CNTNAP5: variants seen among roughly 807,000 people sequenced by gnomAD.
CNTNAP5 encodes contactin-associated protein-like 5.
In CNTNAP5, 72 loss-of-function variants were observed where a neutral mutation model predicts 150.2. That is an observed-to-expected ratio of 0.48 (90% CI 0.40 to 0.58). The LOEUF is 0.58. Among genes scored for constraint, CNTNAP5 ranks in the 20% least tolerant of loss-of-function variants. CNTNAP5 has a pLI of 0.00. For synonymous variants in CNTNAP5, 672 were observed against 619.8 expected (o/e 1.08, Z -1.25); for missense variants, 1,636 against 1,626.2 (o/e 1.01, Z -0.10).
At chr2:124,614,254 G>A (rs748597055) in intron 12 of CNTNAP5, among the ~76,000 whole-genome samples, 2 of 152,070 alleles carry the variant, frequency 1.3e-5, no homozygotes, top group African/African-American at 4.8e-5. Context: ...TCACAATAAA[G>A]CAAGTCACAT....
At chr2:124,034,168 C>G (rs1230127519) in intron 1 of CNTNAP5, among the ~76,000 whole-genome samples, 6 of 152,192 alleles carry the variant, frequency 3.9e-5, no homozygotes, top group Non-Finnish European at 1.5e-5. Flanking sequence ...TGATTTAATT[C>G]TCATTCTGTG....
intron 1 of CNTNAP5, among the ~76,000 whole-genome samples, chr2:124,162,105 T>C (rs1202567322): frequency 2.0e-5 from 3 of 152,142 alleles, no homozygotes; most frequent in Admixed American, 1.3e-4. Context: ...TATTTACTCA[T>C]CTCTTATGCA....
intron 1 of CNTNAP5, among the ~76,000 whole-genome samples, chr2:124,063,694 C>A (rs1214217026): frequency 6.6e-6 from 1 of 152,006 alleles, no homozygotes; most frequent in Non-Finnish European, 1.5e-5. Flanking sequence ...AAAAAGAGAC[C>A]AAAGCCTCTG....
At chr2:124,408,219 G>A (rs938162506) in intron 3 of CNTNAP5, among the ~76,000 whole-genome samples, 4 of 152,224 alleles carry the variant, frequency 2.6e-5, no homozygotes. Flanking sequence ...CTCGCACCTG[G>A]CTCGGAGGGT....
intron 3 of CNTNAP5, among the ~76,000 whole-genome samples, chr2:124,307,168 G>C (rs1688713752): frequency 6.6e-6 from 1 of 152,026 alleles, no homozygotes; most frequent in Non-Finnish European, 1.5e-5. Flanking sequence ...CCAAAATCAG[G>C]GTGCCAGAAT....
intron 10 of CNTNAP5, among the ~76,000 whole-genome samples, chr2:124,557,325 T>C (rs1695781044): frequency 8.1e-6 from 1 of 123,128 alleles, no homozygotes; most frequent in Non-Finnish European, 1.7e-5. Context: ...TTTTCTCACC[T>C]CTTAAAAAAA....
At chr2:124,068,156 A>T (rs551432691) in intron 1 of CNTNAP5, among the ~76,000 whole-genome samples, 1 of 151,982 alleles carries the variant, frequency 6.6e-6, no homozygotes, top group Admixed American at 6.6e-5. Context: ...CACTACCTAT[A>T]TCTTTCTTCA....
chr2:124,472,525 A>T (rs1315898033), intron 6 of CNTNAP5, among the ~76,000 whole-genome samples: 2 of 151,146 alleles, frequency 1.3e-5, no homozygotes, highest in Non-Finnish European at 3.0e-5. Flanking sequence ...ATGTATAAGA[A>T]ATTGATTTCA....
intron 4 of CNTNAP5, among the ~76,000 whole-genome samples, chr2:124,423,573 C>G (rs1352292840): frequency 2.7e-5 from 4 of 149,644 alleles, no homozygotes; most frequent in African/African-American, 7.4e-5. Flanking sequence ...GTCTCGATCT[C>G]CTGACCTCGT....
At chr2:124,223,757 C>G (rs368068266) in intron 2 of CNTNAP5, among the ~76,000 whole-genome samples, 9 of 151,382 alleles carry the variant, frequency 5.9e-5, no homozygotes, top group South Asian at 2.1e-4. Context: ...TTCGGCTCAC[C>G]GGGGAATTTG....
At chr2:124,092,534 A>G (rs1453833661) in intron 1 of CNTNAP5, among the ~76,000 whole-genome samples, 1 of 152,200 alleles carries the variant, frequency 6.6e-6, no homozygotes, top group Admixed American at 6.5e-5. Flanking sequence ...TGACAAAAAG[A>G]CAGATGAGTT....
intron 1 of CNTNAP5, among the ~76,000 whole-genome samples, chr2:124,094,914 C>A (rs922957665): frequency 6.6e-6 from 1 of 152,112 alleles, no homozygotes; most frequent in African/African-American, 2.4e-5. Flanking sequence ...CACTGGGAGC[C>A]ACAGAAAGAA....
intron 1 of CNTNAP5, among the ~76,000 whole-genome samples, chr2:124,150,739 T>C (rs1684385878): frequency 6.6e-6 from 1 of 152,090 alleles, no homozygotes; most frequent in South Asian, 2.1e-4. Flanking sequence ...ACTAATTTCT[T>C]CATGAGAGGT....
At chr2:124,213,327 T>C (rs1205454127) in intron 1 of CNTNAP5, among the ~76,000 whole-genome samples, 1 of 152,116 alleles carries the variant, frequency 6.6e-6, no homozygotes, top group African/African-American at 2.4e-5. Flanking sequence ...GAAAAGACCA[T>C]TGCAAAAATC....
chr2:124,248,856 A>G (rs1214276472), intron 3 of CNTNAP5, among the ~76,000 whole-genome samples: 2 of 152,190 alleles, frequency 1.3e-5, no homozygotes, highest in Non-Finnish European at 2.9e-5. Flanking sequence ...TTGCATGTGT[A>G]GTGGGATAGG....
chr2:124,574,480 T>C (rs149133274), intron 11 of CNTNAP5, among the ~76,000 whole-genome samples: 1,649 of 152,326 alleles, frequency 0.011, 8 homozygotes, highest in Non-Finnish European at 0.019. Flanking sequence ...CCACATCTTG[T>C]CTATAGAAAG....
chr2:124,676,157 C>T (rs1245928899), intron 13 of CNTNAP5, among the ~76,000 whole-genome samples: 2 of 152,148 alleles, frequency 1.3e-5, no homozygotes, highest in African/African-American at 4.8e-5. Context: ...ATGCCCTGAA[C>T]CAATAAGTCT....
intron 5 of CNTNAP5, among the ~76,000 whole-genome samples, chr2:124,437,312 T>A (rs1692556300): frequency 6.6e-6 from 1 of 152,152 alleles, no homozygotes; most frequent in Admixed American, 6.5e-5. Context: ...CAATGGGGTA[T>A]ATTTACAGAA....
chr2:124,347,487 G>A (rs949435584), intron 3 of CNTNAP5, among the ~76,000 whole-genome samples: 8 of 152,242 alleles, frequency 5.3e-5, no homozygotes, highest in African/African-American at 1.4e-4. Flanking sequence ...AGCACTAGGC[G>A]GGCAGATTGA....
Sources: allele counts gnomAD v4.1 joint callset (sites outside exome capture counted in the v4.1 genomes callset), GRCh38; gene constraint gnomAD v4.1.1; transcripts MANE v1.5; gene names NCBI Gene and HGNC (gene_info 2026-07-23, HGNC 2026-07-21).